Variants in DSG3 observed in about 807,000 individuals in gnomAD.
DSG3 encodes the protein desmoglein 3.
In DSG3, 63 loss-of-function variants were observed where a neutral mutation model predicts 85.9. That is an observed-to-expected ratio of 0.73 (90% confidence interval 0.60 to 0.90). The LOEUF is 0.90. Among genes scored for constraint, DSG3 ranks in the 40% least tolerant of loss-of-function variants. DSG3 has a pLI of 0.00. For synonymous variants in DSG3, 447 were observed against 441.9 expected, an observed-to-expected ratio of 1.01 and a Z score of -0.14; for missense variants, 1,220 against 1,219.9, an observed-to-expected ratio of 1.00 and a Z score of 0.00.
In DSG3 at chr18:31,461,415, A is replaced by G. The variant is rs2072785576; in HGVS notation, c.999+3A>G. On this transcript the variant is annotated splice_donor_region_variant and intron_variant, in intron 8 of 15. Transcript: ENST00000257189. Reference sequence around the variant, plus strand: ...AAGGCATCCTGAAAGTGGTGAAGGTAAGGTCTGACTTCCCTTCATTGGTAA... The same window carrying G: ...AAGGCATCCTGAAAGTGGTGAAGGTGAGGTCTGACTTCCCTTCATTGGTAA... The G allele has an allele frequency of 6.2e-7, 1 of 1,611,178 alleles. No individual in the cohort carries two copies. Among genetic ancestry groups the G allele is most frequent in the South Asian group, 1.1e-5 (1 of 90,410 alleles).
chr18:31,469,481 T>C, intron 12 of DSG3, 132 bp downstream of exon 12: 1 of 1,320,456 alleles, frequency 7.6e-7, no homozygotes, highest in Non-Finnish European at 1.0e-6. Flanking sequence ...TAGGGGAAAA[T>C]GGCATTTTCA....
rs1395245131 is a variant in DSG3 at position 31,472,353 on chromosome 18, T to C, written c.1967T>C (p.Ile656Thr). The C allele has an allele frequency of 1.9e-6, 3 of 1,614,200 alleles. No homozygotes were observed. The South Asian group carries it at 3.3e-5, about 18-fold the overall frequency. ...ACTGGGGGAGTGACAGGTGGTTTTA[T>C]CCCAGTTCCTGATGGCTCAGAAGGA... ...GSTGGVTGGFIPVPDGSEGTI... is the reference protein window; with the variant it reads ...GSTGGVTGGFTPVPDGSEGTI... The change falls in exon 13 of 16, where the codon ATC becomes ACC. Residue 656 changes from isoleucine (I) to threonine (T), a missense_variant. By Grantham distance (89) the Ile-to-Thr change is moderately conservative (BLOSUM62 -1). Transcript: ENST00000257189.
At chr18:31,448,747 C>T (rs2072693835) in intron 1 of DSG3, among the ~76,000 whole-genome samples, 1 of 151,614 alleles carries the variant, frequency 6.6e-6, no homozygotes, top group East Asian at 1.9e-4. Context: ...CAAAACAATT[C>T]CTAATGCTAA....
intron 7 of DSG3, 43 bp from the exon 8 acceptor site, chr18:31,461,184 A>G: frequency 1.3e-6 from 2 of 1,519,620 alleles, no homozygotes; most frequent in Non-Finnish European, 1.8e-6. Context: ...TCTCCATGTA[A>G]AACCTGTCAT....
chr18:31,463,972 A>C lies in DSG3; in HGVS notation c.1000-139A>C, dbSNP rs548118916. The C allele has an allele frequency of 2.4e-5, 20 of 823,458 alleles. No individual in the cohort carries two copies. In the African/African-American group the frequency reaches 3.1e-4, roughly 13 times the overall value. 51.0% of individuals were successfully genotyped at this position (823,458 alleles called of 1,614,324 possible). On this transcript the variant is annotated intron_variant, in intron 8 of 15. Transcript: ENST00000257189. Reference sequence around the variant, plus strand: ...AAAGCTTTCTCTGTCTCAACATTACAATAATTTCTGAAGCTGTTTTGCTAT... The same window carrying C: ...AAAGCTTTCTCTGTCTCAACATTACCATAATTTCTGAAGCTGTTTTGCTAT...
chr18:31,458,737 C>A, intron 4 of DSG3, 137 bp downstream of exon 4: 1 of 1,050,978 alleles, frequency 9.5e-7, no homozygotes, highest in Non-Finnish European at 1.4e-6. Flanking sequence ...AATATTAGTC[C>A]CTCCACAGAG....
At position 31,475,686 on chromosome 18, in the gene DSG3, C is replaced by A. The variant is rs2072881835; in HGVS notation, c.2426C>A (p.Ala809Glu). The A allele has an allele frequency of 1.9e-6, 3 of 1,614,166 alleles. No individual in the cohort carries two copies. Among genetic ancestry groups the A allele is most frequent in the Non-Finnish European group, 2.5e-6 (3 of 1,180,030 alleles). Residue 809 changes from alanine to glutamate, a missense_variant, in exon 16 of 16, where the codon GCA becomes GAA. Transcript: ENST00000257189. ...GCGGAGGAAGACGATGGCCAGGAAG[C>A]AAATGACTGCTTGTTGATCTATGAT... Reference protein sequence around the residue: ...ACAEEDDGQEANDCLLIYDNE... With the variant: ...ACAEEDDGQEENDCLLIYDNE...
chr18:31,460,077 G>A, intron 6 of DSG3, 66 bp downstream of exon 6: 1 of 1,496,274 alleles, frequency 6.7e-7, no homozygotes, highest in South Asian at 1.3e-5. Flanking sequence ...ACCAAGAGAG[G>A]TGACTCCATT....
chr18:31,465,388 A>G lies in DSG3; in HGVS notation c.1342A>G (p.Lys448Glu), dbSNP rs2072811779. ...AAAAACTGCTGAAATCAAATTTGTCAAAAATATGAACCGAGATTCTACTTT... is the reference window on the plus strand; with the variant it reads ...AAAAACTGCTGAAATCAAATTTGTCGAAAATATGAACCGAGATTCTACTTT... ...DSKTAEIKFV[K>E]NMNRDSTFIV... Residue 448 changes from lysine (K) to glutamate (E), a missense_variant, in exon 10 of 16, where the codon AAA becomes GAA. Physicochemically the swap from Lys to Glu is moderately conservative, Grantham distance 56 (BLOSUM62 1). Coordinates refer to ENST00000257189, the MANE Select transcript of DSG3 (RefSeq NM_001944.3). 1 of 1,550,756 alleles carries G rather than the reference A, an allele frequency of 6.4e-7. No individual in the cohort carries two copies. Among genetic ancestry groups the G allele is most frequent in the African/African-American group, 1.4e-5 (1 of 72,912 alleles).
chr18:31,475,334 G>C (rs1422399355), intron 15 of DSG3, among the ~76,000 whole-genome samples: 1 of 152,114 alleles, frequency 6.6e-6, no homozygotes, highest in African/African-American at 2.4e-5. Context: ...GGGAGAAAGG[G>C]AGGGGTTGTT....
At chr18:31,449,012 C>T (rs772268503) in intron 1 of DSG3, among the ~76,000 whole-genome samples, 8 of 152,146 alleles carry the variant, frequency 5.3e-5, no homozygotes, top group Non-Finnish European at 1.0e-4. Flanking sequence ...TCTCGTGCCT[C>T]AGCCTCCTGA....
At chr18:31,457,596 C>G (rs1448152067) in intron 3 of DSG3, among the ~76,000 whole-genome samples, 2 of 72,140 alleles carry the variant, frequency 2.8e-5, no homozygotes, top group Admixed American at 2.5e-4. Context: ...TTCTTTCTTT[C>G]TTTCTTTCTT....
intron 12 of DSG3, among the ~76,000 whole-genome samples, chr18:31,470,927 A>G (rs2072851666): frequency 6.6e-6 from 1 of 152,248 alleles, no homozygotes; most frequent in South Asian, 2.1e-4. Flanking sequence ...TGAAAGGGCT[A>G]CATACACATG....
Position 31,447,922 on chromosome 18 carries a change from C to T in DSG3, c.45C>T (p.Phe15=). Residue 15 remains phenylalanine (F), a synonymous_variant, in exon 1 of 16, where the codon TTC becomes TTT. Coordinates refer to ENST00000257189, the MANE Select transcript of DSG3 (RefSeq NM_001944.3). ...GAACTACAGGGGCTCTGGCCATCTTCGTGGTAAGTCCTGGATTTTCCTAAT... is the reference window on the plus strand; with the variant it reads ...GAACTACAGGGGCTCTGGCCATCTTTGTGGTAAGTCCTGGATTTTCCTAAT... ...FPRTTGALAI[F]VVVILVHGEL... is the part of the protein sequence containing the mutation. The T allele has an allele frequency of 1.9e-6, 3 of 1,583,144 alleles. No individual in the cohort carries two copies. The South Asian group carries it at 3.4e-5, about 18-fold the overall frequency.
chr18:31,448,665 A>AAAAAAG (rs1442920510), intron 1 of DSG3, among the ~76,000 whole-genome samples: 22 of 151,966 alleles, frequency 1.4e-4, no homozygotes, highest in African/African-American at 5.1e-4. Flanking sequence ...CAAAAAAAAA[A>AAAAAAG]AAAGAAAAGT....
intron 8 of DSG3, among the ~76,000 whole-genome samples, chr18:31,463,883 C>T (rs564449600): frequency 6.4e-4 from 97 of 152,240 alleles, no homozygotes; most frequent in African/African-American, 2.0e-3. Flanking sequence ...ATGATGATGT[C>T]TTTCTAGTCT....
At position 31,470,086 on chromosome 18, in the gene DSG3, T is replaced by C. The variant is rs1279101117; in HGVS notation, c.1897+737T>C. Among the ~76,000 whole-genome samples the C allele has an allele frequency of 4.6e-5, 7 of 152,208 alleles. No homozygotes were observed. The South Asian group carries it at 1.5e-3, about 32-fold the overall frequency. On this transcript the variant is annotated intron_variant, in intron 12 of 15. Transcript: ENST00000257189. ...ATAGATAGGTTTCTGAAAAGTTGTA[T>C]TTGAATCAAAATCATATAAATCAAA...
intron 1 of DSG3, among the ~76,000 whole-genome samples, chr18:31,453,190 CA>C (rs1375507253): frequency 6.6e-6 from 1 of 151,942 alleles, no homozygotes; most frequent in Non-Finnish European, 1.5e-5. Context: ...ACATTTTTCC[CA>C]AAAAAATTTA....
At chr18:31,459,447 C>T (rs1423259983) in intron 5 of DSG3, among the ~76,000 whole-genome samples, 2 of 152,106 alleles carry the variant, frequency 1.3e-5, no homozygotes, top group African/African-American at 2.4e-5. Context: ...ATTTGGCAGT[C>T]ACAAAGCTAA....
Sources: gnomAD v4.1 joint callset for allele counts (sites outside exome capture counted in the v4.1 genomes callset) on GRCh38, gnomAD v4.1.1 for gene constraint, MANE v1.5 for transcripts, NCBI Gene and HGNC (gene_info 2026-07-23, HGNC 2026-07-21) for gene names.